Variants in EEIG2 observed in about 807,000 individuals in gnomAD.
EEIG2 encodes the protein EEIG family member 2, also known as family with sequence similarity 102 member B.
the EEIG2 span, chr1:108,627,599 T>C: frequency 6.6e-6 from 1 of 152,364 alleles, no homozygotes; most frequent in African/African-American, 2.4e-5. Flanking sequence ...ATCACTTTCT[T>C]AAGAACTTTT....
At chr1:108,604,629 A>G in the EEIG2 span, among the ~76,000 whole-genome samples, 3 of 152,164 alleles carry the variant, frequency 2.0e-5, no homozygotes, top group Non-Finnish European at 4.4e-5. Context: ...GATGCAACAA[A>G]GGAGGTGGAG....
the EEIG2 span, chr1:108,628,079 C>T: frequency 4.5e-6 from 5 of 1,122,580 alleles, no homozygotes; most frequent in Non-Finnish European, 6.6e-6. Context: ...ATGAACTTGG[C>T]AGAGTTTATA....
At chr1:108,587,384 A>G in the EEIG2 span, among the ~76,000 whole-genome samples, 1 of 152,130 alleles carries the variant, frequency 6.6e-6, no homozygotes, top group Non-Finnish European at 1.5e-5. Flanking sequence ...AGAGTGGCGC[A>G]TTTGTTACAG....
the EEIG2 span, chr1:108,627,677 A>G: frequency 6.4e-6 from 1 of 156,104 alleles, no homozygotes; most frequent in East Asian, 1.9e-4. Context: ...ATAGCCTAGC[A>G]CTAACAACAC....
At chr1:108,580,402 A>G in the EEIG2 span, among the ~76,000 whole-genome samples, 1 of 152,188 alleles carries the variant, frequency 6.6e-6, no homozygotes, top group African/African-American at 2.4e-5. Flanking sequence ...TTCAAGTGAA[A>G]GGAAGAGTTG....
the EEIG2 span, among the ~76,000 whole-genome samples, chr1:108,588,550 A>G: frequency 2.6e-5 from 4 of 152,158 alleles, no homozygotes; most frequent in South Asian, 4.1e-4. Flanking sequence ...AGTTTATGGT[A>G]TAAAAAGAGA....
the EEIG2 span, among the ~76,000 whole-genome samples, chr1:108,560,840 T>C: frequency 3.3e-5 from 5 of 152,128 alleles, no homozygotes; most frequent in East Asian, 9.7e-4. Flanking sequence ...GCTTCTGTTT[T>C]CTCTTAAGAC....
At chr1:108,612,096 A>C in the EEIG2 span, 1 of 909,810 alleles carries the variant, frequency 1.1e-6, no homozygotes, top group Non-Finnish European at 1.7e-6. Context: ...TGTCTAGGGT[A>C]TGGGTTGAAT....
At chr1:108,612,782 A>C in the EEIG2 span, among the ~76,000 whole-genome samples, 1 of 152,238 alleles carries the variant, frequency 6.6e-6, no homozygotes, top group Non-Finnish European at 1.5e-5. Flanking sequence ...TGTATACTTC[A>C]TAGAGTTAAT....
the EEIG2 span, among the ~76,000 whole-genome samples, chr1:108,599,571 G>A: frequency 6.6e-6 from 1 of 152,128 alleles, no homozygotes; most frequent in African/African-American, 2.4e-5. Flanking sequence ...GCAAAGTTGT[G>A]GAAAAATACA....
At chr1:108,633,795 T>C in the EEIG2 span, among the ~76,000 whole-genome samples, 2 of 152,330 alleles carry the variant, frequency 1.3e-5, no homozygotes, top group Admixed American at 6.5e-5. Context: ...TCTGGAATTC[T>C]CCAGCCATTA....
chr1:108,562,036 T>C, the EEIG2 span, among the ~76,000 whole-genome samples: 1 of 152,266 alleles, frequency 6.6e-6, no homozygotes, highest in East Asian at 1.9e-4. Flanking sequence ...TAGGCAGTCA[T>C]TTATTCAGCA....
the EEIG2 span, chr1:108,560,397 T>A: frequency 6.6e-7 from 1 of 1,513,090 alleles, no homozygotes; most frequent in South Asian, 1.2e-5. Flanking sequence ...CGCCCGGCCG[T>A]GCGCCCAGCT....
chr1:108,587,798 T>G, the EEIG2 span, among the ~76,000 whole-genome samples: 2 of 152,200 alleles, frequency 1.3e-5, no homozygotes, highest in East Asian at 3.9e-4. Flanking sequence ...AATCTAGGAA[T>G]GTTTTTTTCT....
At chr1:108,628,478 G>C in the EEIG2 span, 1 of 1,614,094 alleles carries the variant, frequency 6.2e-7, no homozygotes, top group Non-Finnish European at 8.5e-7. Flanking sequence ...CACATCAACA[G>C]GAGTTGAAAG....
At chr1:108,569,283 G>A in the EEIG2 span, among the ~76,000 whole-genome samples, 1 of 152,198 alleles carries the variant, frequency 6.6e-6, no homozygotes, top group Non-Finnish European at 1.5e-5. Flanking sequence ...TGTCAGGAAT[G>A]TTATTCCTCG....
the EEIG2 span, chr1:108,629,960 T>G: frequency 3.0e-6 from 1 of 337,804 alleles, no homozygotes; most frequent in Non-Finnish European, 5.5e-6. Flanking sequence ...AGAAAAGAGT[T>G]CTTAGTCTTT....
the EEIG2 span, chr1:108,560,340 G>A: frequency 9.3e-7 from 1 of 1,070,060 alleles, no homozygotes; most frequent in South Asian, 3.1e-5. Context: ...CGCGGCCCCG[G>A]CCATGGGGCT....
chr1:108,582,792 A>G, the EEIG2 span, among the ~76,000 whole-genome samples: 1 of 152,148 alleles, frequency 6.6e-6, no homozygotes, highest in Non-Finnish European at 1.5e-5. Flanking sequence ...AACAGACTTG[A>G]TAAGCGCATG....
Sources: allele counts gnomAD v4.1 joint callset (sites outside exome capture counted in the v4.1 genomes callset), GRCh38; gene constraint gnomAD v4.1.1; transcripts MANE v1.5; gene names NCBI Gene and HGNC (gene_info 2026-07-23, HGNC 2026-07-21).